The following EXD3 variants were observed in gnomAD, a reference collection of about 807,000 sequenced individuals.
EXD3 encodes the protein exonuclease 3'-5' domain containing 3.
In EXD3, 92 loss-of-function variants were observed where a neutral mutation model predicts 98.0. The observed-to-expected ratio is 0.94, with a 90% CI of 0.79 to 1.12. The LOEUF (loss-of-function observed/expected upper bound fraction) is 1.12. Ranked by LOEUF, EXD3 falls within the 50% of genes most tolerant of loss-of-function variation. EXD3 has a pLI of 0.00. For synonymous variants in EXD3, 569 were observed against 526.0 expected (o/e 1.08, Z -1.12); for missense variants, 1,222 against 1,191.6 (o/e 1.03, Z -0.38).
At position 137,385,021 on chromosome 9, in the gene EXD3, G is replaced by C. The variant is rs973512197; in HGVS notation, c.56-1644C>G. 1.3e-5 allele frequency among the ~76,000 whole-genome samples: 2 copies of C among 152,164 alleles called. No homozygotes were observed. The highest frequency in any genetic ancestry group is 2.4e-5 in the African/African-American group (1 of 41,460). ...GCAGGAGAACAGCATGAACCCGGGAGGCGGAGGTCGCAGTGAGCCGAGATC... is the reference window on the plus strand; with the variant it reads ...GCAGGAGAACAGCATGAACCCGGGACGCGGAGGTCGCAGTGAGCCGAGATC... On this transcript the variant is annotated intron_variant, in intron 2 of 21. Transcript: ENST00000340951. This position sits in a 1 kb window ranked among gnomAD's most constrained non-coding sequence, Gnocchi z 4.4.
intron 2 of EXD3, among the ~76,000 whole-genome samples, chr9:137,386,730 C>T (rs1363055562): frequency 6.6e-6 from 1 of 152,074 alleles, no homozygotes; most frequent in African/African-American, 2.4e-5. Flanking sequence ...GCTTCTCGAG[C>T]ACCCAGCAGC....
At chr9:137,313,883 C>T (rs1295530461) in intron 19 of EXD3, among the ~76,000 whole-genome samples, 2 of 152,232 alleles carry the variant, frequency 1.3e-5, no homozygotes, top group South Asian at 2.1e-4. Flanking sequence ...CCACCCACCA[C>T]ACGAAAGGGT....
At position 137,349,605 on chromosome 9, in the gene EXD3, AGCCCTGCGGGGGCTCTGGAGGAG is replaced by A; in HGVS notation, c.1495-97_1495-75del. The stretch of plus-strand genomic sequence containing the variant: ...CACAGTCACCGTGCCCACTCACACC[AGCCCTGCGGGGGCTCTGGAGGAG>A]GCCCCGCCCCCTCCACCAGCGGCCC... On this transcript the variant is annotated intron_variant, in intron 14 of 21. Transcript: ENST00000340951. This position sits in a 1 kb window ranked among gnomAD's most constrained non-coding sequence, Gnocchi z 7.4. 7.1e-6 allele frequency: 10 copies of A among 1,412,682 alleles called. No individual in the cohort carries two copies. The highest frequency in any genetic ancestry group is 9.3e-6 in the Non-Finnish European group (10 of 1,079,788). 87.5% of individuals were successfully genotyped at this position (1,412,682 alleles called of 1,614,324 possible). A position where few individuals can be genotyped will look rare whatever the true frequency, so the allele number is the denominator to read the frequency against.
At chr9:137,406,882 G>T (rs1245453799) in intron 1 of EXD3, among the ~76,000 whole-genome samples, 1 of 151,998 alleles carries the variant, frequency 6.6e-6, no homozygotes, top group African/African-American at 2.4e-5. Flanking sequence ...TCAGCAGGCT[G>T]GGGACGGCCT....
chr9:137,384,985 G>C (rs373177680), intron 2 of EXD3, among the ~76,000 whole-genome samples: 1 of 152,090 alleles, frequency 6.6e-6, no homozygotes, highest in Admixed American at 6.5e-5. Context: ...CCAGCTACTC[G>C]GGAGGCTGAG....
intron 17 of EXD3, among the ~76,000 whole-genome samples, chr9:137,325,049 A>G (rs1351410259): frequency 6.6e-6 from 1 of 152,166 alleles, no homozygotes. Flanking sequence ...AAGCTTCAGT[A>G]TGAATTTCTG....
intron 19 of EXD3, among the ~76,000 whole-genome samples, chr9:137,318,835 G>T (rs1252556281): frequency 6.6e-6 from 1 of 152,214 alleles, no homozygotes; most frequent in Admixed American, 6.5e-5. Context: ...TGGTGGGGCC[G>T]GCGGTGGCCA....
In EXD3 at chr9:137,361,091, T is replaced by C. The variant is rs150967456; in HGVS notation, c.657-4723A>G. ...GCTCAGGGCAGTGATGCCCGAGTGA[T>C]GGGAAGCGAGGCTGCCAATCGCTCC... On this transcript the variant is annotated intron_variant, in intron 7 of 21. Coordinates refer to ENST00000340951, the MANE Select transcript of EXD3 (RefSeq NM_017820.5). Among the ~76,000 whole-genome samples, 156 of 87,546 alleles carry C rather than the reference T, an allele frequency of 1.8e-3. 49 individuals carry two copies. The highest frequency in any genetic ancestry group is 4.9e-3 in the African/African-American group (154 of 31,660). The allele number at this position is 87,546 out of a possible 152,430, so 57.4% of individuals were successfully genotyped here.
At chr9:137,322,268 C>T (rs1832068693) in intron 19 of EXD3, among the ~76,000 whole-genome samples, 1 of 152,180 alleles carries the variant, frequency 6.6e-6, no homozygotes, top group Non-Finnish European at 1.5e-5. Flanking sequence ...AAATCCAAGC[C>T]AATGCCTGAT....
intron 19 of EXD3, among the ~76,000 whole-genome samples, chr9:137,321,664 T>C (rs1588240091): frequency 6.6e-6 from 1 of 152,064 alleles, no homozygotes; most frequent in Non-Finnish European, 1.5e-5. Context: ...GCCTGGGCGA[T>C]GGAGTGAGAC....
chr9:137,353,354 C>T (rs1009278649), intron 10 of EXD3: 29 of 985,280 alleles, frequency 2.9e-5, no homozygotes, highest in African/African-American at 2.3e-4. Flanking sequence ...CCCAGGAGCC[C>T]GGGCATGTTT....
intron 13 of EXD3, 67 bp from the exon 14 acceptor site, chr9:137,351,214 G>C: frequency 6.5e-7 from 1 of 1,533,800 alleles, no homozygotes; most frequent in Non-Finnish European, 8.8e-7. Context: ...CTGACCCCAG[G>C]GTGCACCCAG....
chr9:137,367,851 C>G (rs1279766402), intron 6 of EXD3, 85 bp downstream of exon 6: 2 of 1,367,256 alleles, frequency 1.5e-6, no homozygotes. Flanking sequence ...TTGGTGGACT[C>G]CCGACCTCCA....
At position 137,349,793 on chromosome 9, in the gene EXD3, C is replaced by G. The variant is rs1429416823; in HGVS notation, c.1495-262G>C. On this transcript the variant is annotated intron_variant, in intron 14 of 21. Coordinates refer to ENST00000340951, the MANE Select transcript of EXD3 (RefSeq NM_017820.5). The surrounding 1 kb of genome is among the most constrained non-coding windows in gnomAD (Gnocchi z 7.4). ...CCCACGGTAACCCCGCCCAGCCCCT[C>G]ACAGCCTCAGAGAGCCCGGGCCCTG... is the stretch of plus-strand genomic sequence containing the variant. Among the ~76,000 whole-genome samples, 1 of 152,156 alleles carries G rather than the reference C, an allele frequency of 6.6e-6. No individual in the cohort carries two copies. Among genetic ancestry groups the G allele is most frequent in the Non-Finnish European group, 1.5e-5 (1 of 68,016 alleles).
intron 19 of EXD3, among the ~76,000 whole-genome samples, chr9:137,315,146 C>T (rs1831575751): frequency 6.6e-6 from 1 of 152,224 alleles, no homozygotes; most frequent in Non-Finnish European, 1.5e-5. Flanking sequence ...GGGCTAGCGC[C>T]TGGCAGTGGG....
intron 7 of EXD3, among the ~76,000 whole-genome samples, chr9:137,358,167 C>T (rs574938462): frequency 4.6e-5 from 7 of 152,200 alleles, no homozygotes; most frequent in African/African-American, 7.2e-5. Flanking sequence ...TGTTAGCATG[C>T]GTGTGGCTGG....
chr9:137,410,347 C>T (rs769814172), intron 1 of EXD3, among the ~76,000 whole-genome samples: 9 of 151,306 alleles, frequency 5.9e-5, no homozygotes, highest in South Asian at 2.1e-4. Context: ...TAGCCAGGCG[C>T]GGTGGTGGGT....
chr9:137,365,342 T>C (rs1835169807), intron 7 of EXD3: 1 of 152,572 alleles, frequency 6.6e-6, no homozygotes, highest in African/African-American at 2.4e-5. Context: ...ACCCTGGGGC[T>C]GTGTGGGGAA....
chr9:137,386,281 G>A (rs1009269789), intron 2 of EXD3, among the ~76,000 whole-genome samples: 2 of 152,074 alleles, frequency 1.3e-5, no homozygotes, highest in African/African-American at 4.8e-5. Context: ...GGGACAGAGT[G>A]AGAACCTGTC....
Sources: allele counts gnomAD v4.1 joint callset (sites outside exome capture counted in the v4.1 genomes callset), GRCh38; gene constraint gnomAD v4.1.1; non-coding constraint Gnocchi (gnomAD v3.1); transcripts MANE v1.5; gene names NCBI Gene and HGNC (gene_info 2026-07-23, HGNC 2026-07-21).